The following DDAH1 variants were observed in gnomAD, a reference collection of about 807,000 sequenced individuals.
The protein encoded by DDAH1 is N(G),N(G)-dimethylarginine dimethylaminohydrolase 1.
DDAH1 carries 19 observed loss-of-function variants against 28.8 expected under a neutral mutation model. That is an observed-to-expected ratio of 0.66 (90% CI 0.46 to 0.97). The LOEUF (loss-of-function observed/expected upper bound fraction) is 0.97, where lower values mean the gene tolerates loss of function less well. Ranked by LOEUF, DDAH1 falls within the 50% of genes least tolerant of loss-of-function variation. The pLI is 0.00. For synonymous variants in DDAH1, 153 were observed against 154.4 expected, an observed-to-expected ratio of 0.99 and a Z score of 0.07; for missense variants, 326 against 375.9, an observed-to-expected ratio of 0.87 and a Z score of 1.10.
At chr1:85,357,426 AGC>A (rs1184368723) in intron 2 of DDAH1, among the ~76,000 whole-genome samples, 1 of 152,238 alleles carries the variant, frequency 6.6e-6, no homozygotes, top group Non-Finnish European at 1.5e-5. Flanking sequence ...TGTGACACTT[AGC>A]AAAGAACTGC....
intron 1 of DDAH1, among the ~76,000 whole-genome samples, chr1:85,370,228 A>G (rs755418449): frequency 9.9e-5 from 15 of 152,184 alleles, no homozygotes; most frequent in Non-Finnish European, 1.8e-4. Context: ...ATGTGAAGAC[A>G]CAGATGGCCA....
At chr1:85,519,791 A>G (rs577605755) in intron 1 of DDAH1, among the ~76,000 whole-genome samples, 1 of 152,152 alleles carries the variant, frequency 6.6e-6, no homozygotes, top group Non-Finnish European at 1.5e-5. Flanking sequence ...ACAAACATTA[A>G]TTAATATATT....
chr1:85,318,529 T>C lies in DDAH1; in HGVS notation c.*2923A>G, dbSNP rs192648454. 1 of 152,626 alleles carries C rather than the reference T, an allele frequency of 6.6e-6. No individual in the cohort carries two copies. 9.5% of individuals were successfully genotyped at this position (152,626 alleles called of 1,614,324 possible). On this transcript the variant is annotated 3_prime_UTR_variant, in exon 6 of 6. Transcript: ENST00000284031. ...TTTATTCCATTGTGATTGGTATACA[T>C]GTAAGATTGAGACATCAAGAGACTA...
At chr1:85,556,482 G>C (rs986622759) in intron 1 of DDAH1, among the ~76,000 whole-genome samples, 6 of 152,144 alleles carry the variant, frequency 3.9e-5, no homozygotes, top group Non-Finnish European at 7.3e-5. Flanking sequence ...AGTCATCAAA[G>C]CATTCTAGAA....
chr1:85,561,767 G>A (rs1325106683), intron 1 of DDAH1, among the ~76,000 whole-genome samples: 3 of 152,126 alleles, frequency 2.0e-5, no homozygotes, highest in Admixed American at 2.0e-4. Flanking sequence ...GAAAGCCAAT[G>A]AATCCATGGG....
chr1:85,344,225 GTAA>G (rs1263002569), intron 4 of DDAH1, among the ~76,000 whole-genome samples: 3 of 151,986 alleles, frequency 2.0e-5, no homozygotes, highest in Non-Finnish European at 4.4e-5. Flanking sequence ...GTATTTTTAG[GTAA>G]TAATTTATTG....
intron 1 of DDAH1, among the ~76,000 whole-genome samples, chr1:85,426,634 G>A (rs975402338): frequency 6.6e-6 from 1 of 152,130 alleles, no homozygotes. Flanking sequence ...CAAGCCCAGT[G>A]TGGAGGCTCA....
intron 1 of DDAH1, among the ~76,000 whole-genome samples, chr1:85,551,032 C>T (rs1356211471): frequency 6.6e-6 from 1 of 152,190 alleles, no homozygotes; most frequent in Non-Finnish European, 1.5e-5. Context: ...TATGTATAAG[C>T]TGAGTTACCT....
intron 1 of DDAH1, among the ~76,000 whole-genome samples, chr1:85,522,733 A>G (rs1427689247): frequency 6.6e-6 from 1 of 152,030 alleles, no homozygotes; most frequent in South Asian, 2.1e-4. Flanking sequence ...TCTCTCTGTT[A>G]TATAGGGACA....
At chr1:85,394,270 G>A (rs1557573784) in intron 1 of DDAH1, among the ~76,000 whole-genome samples, 1 of 152,148 alleles carries the variant, frequency 6.6e-6, no homozygotes, top group African/African-American at 2.4e-5. Flanking sequence ...AGGAAAACAG[G>A]TTGTTATAAG....
chr1:85,564,336 A>C (rs1186022173), intron 1 of DDAH1, among the ~76,000 whole-genome samples: 1 of 152,224 alleles, frequency 6.6e-6, no homozygotes, highest in Non-Finnish European at 1.5e-5. Flanking sequence ...AAAGACTAAA[A>C]GTAAAAAACA....
Position 85,425,308 on chromosome 1 carries a change from A to G in DDAH1, c.303+39435T>C, listed in dbSNP as rs571486770. Among the ~76,000 whole-genome samples, 137 of 151,948 alleles carry G rather than the reference A, an allele frequency of 9.0e-4. 2 individuals are homozygous for G. The highest frequency in any genetic ancestry group is 1.1e-3 in the Non-Finnish European group (78 of 67,942). On this transcript the variant is annotated intron_variant, in intron 1 of 5. Transcript: ENST00000284031. ...TCTCTGCAAGCTAGTAATTTTACTC[A>G]GTTTTCTTCAAATATTTTTTTTTAT...
chr1:85,503,848 T>A (rs575936360), intron 1 of DDAH1, among the ~76,000 whole-genome samples: 55 of 151,842 alleles, frequency 3.6e-4, no homozygotes, highest in Admixed American at 2.8e-3. Context: ...AAGTGGCAGG[T>A]GATGATGGGG....
chr1:85,389,248 A>G (rs1651424882), intron 1 of DDAH1, among the ~76,000 whole-genome samples: 2 of 152,206 alleles, frequency 1.3e-5, no homozygotes, highest in African/African-American at 4.8e-5. Flanking sequence ...CAAACAAACA[A>G]ACAAACAAAA....
chr1:85,504,146 G>A (rs548189733), intron 1 of DDAH1, among the ~76,000 whole-genome samples: 57 of 152,308 alleles, frequency 3.7e-4, no homozygotes, highest in Admixed American at 2.8e-3. Context: ...AGACCCATTA[G>A]GAGCTGTCAT....
intron 1 of DDAH1, among the ~76,000 whole-genome samples, chr1:85,526,718 A>T (rs1302302695): frequency 6.8e-6 from 1 of 147,704 alleles, no homozygotes; most frequent in Non-Finnish European, 1.5e-5. Flanking sequence ...GGCCAGAAAG[A>T]GTGTGAAGGG....
intron 2 of DDAH1, among the ~76,000 whole-genome samples, chr1:85,472,262 CA>C (rs1395737747): frequency 1.3e-5 from 2 of 152,208 alleles, no homozygotes; most frequent in Non-Finnish European, 2.9e-5. Context: ...AGAATCTAGG[CA>C]GACAGACCTG....
chr1:85,320,741 C>T lies in DDAH1; in HGVS notation c.*711G>A. 6.6e-6 allele frequency: 1 copy of T among 152,340 alleles called. No individual in the cohort carries two copies. Among genetic ancestry groups the T allele is most frequent in the Non-Finnish European group, 1.5e-5 (1 of 68,072 alleles). The allele number at this position is 152,340 out of a possible 1,614,324, so 9.4% of individuals were successfully genotyped here. A position where few individuals can be genotyped will look rare whatever the true frequency, so the allele number is the denominator to read the frequency against. ...CTGGGGCAAACCCTGTCAGGATGTGCCTCTGTGTAGTTAACACTGCCCCAG... is the reference window on the plus strand; with the variant it reads ...CTGGGGCAAACCCTGTCAGGATGTGTCTCTGTGTAGTTAACACTGCCCCAG... On this transcript the variant is annotated 3_prime_UTR_variant, in exon 6 of 6. Transcript: ENST00000284031.
At chr1:85,355,986 CAA>C (rs770083826) in intron 2 of DDAH1, among the ~76,000 whole-genome samples, 1 of 152,104 alleles carries the variant, frequency 6.6e-6, no homozygotes, top group Non-Finnish European at 1.5e-5. Context: ...AGGCAAAACT[CAA>C]AGAACAACAA....
Sources: allele counts gnomAD v4.1 joint callset (sites outside exome capture counted in the v4.1 genomes callset), GRCh38; gene constraint gnomAD v4.1.1; transcripts MANE v1.5; gene names NCBI Gene and HGNC (gene_info 2026-07-23, HGNC 2026-07-21).